The following DFFB variants were observed in gnomAD, a reference collection of about 807,000 sequenced individuals.
The protein encoded by DFFB is DNA fragmentation factor subunit beta.
In DFFB, 29 loss-of-function variants were observed where a neutral mutation model predicts 32.7. The observed-to-expected ratio is 0.89, with a 90% CI of 0.66 to 1.21. DFFB has a LOEUF of 1.21. Ranked by LOEUF, DFFB falls within the 50% of genes most tolerant of loss-of-function variation. The pLI is 0.00. For missense variants in DFFB, 398 were observed against 440.6 expected, an observed-to-expected ratio of 0.90 and a Z score of 0.87; for synonymous variants, 170 against 177.1, an observed-to-expected ratio of 0.96 and a Z score of 0.32.
chr1:3,862,826 A>G (rs977965630), intron 2 of DFFB, among the ~76,000 whole-genome samples: 1 of 152,216 alleles, frequency 6.6e-6, no homozygotes, highest in East Asian at 1.9e-4. Flanking sequence ...GCAGCAGAAG[A>G]AAAAACAGAT....
At chr1:3,869,100 C>T (rs995141439) in intron 4 of DFFB, among the ~76,000 whole-genome samples, 1 of 152,074 alleles carries the variant, frequency 6.6e-6, no homozygotes, top group Admixed American at 6.5e-5. Flanking sequence ...CACTCTGTTG[C>T]TCAGGCTGGA....
intron 6 of DFFB, among the ~76,000 whole-genome samples, chr1:3,878,912 G>T (rs902477773): frequency 6.6e-6 from 1 of 152,084 alleles, no homozygotes; most frequent in African/African-American, 2.4e-5. Context: ...TTTCTTCCAC[G>T]AGTGGCTGTG....
chr1:3,860,588 C>A, intron 2 of DFFB: 1 of 286,156 alleles, frequency 3.5e-6, no homozygotes, highest in Non-Finnish European at 7.6e-6. Context: ...TAGGAAGGTC[C>A]AATGTACCTC....
At position 3,883,636 on chromosome 1, in the gene DFFB, T is replaced by C; in HGVS notation, c.912T>C (p.Ile304=). The change falls in exon 7 of 7, where the codon ATT becomes ATC. Residue 304 remains isoleucine, a synonymous_variant. Coordinates refer to ENST00000378209, the MANE Select transcript of DFFB (RefSeq NM_004402.4). ...CAGAGAACCTAAAACTAGTGCACAT[T>C]GTCTGCCATAAGAAAACCACCCACA... ...FTSENLKLVH[I]VCHKKTTHKL... is the part of the protein sequence containing the mutation. 6 of 1,614,088 alleles carry C rather than the reference T, an allele frequency of 3.7e-6. No homozygotes were observed. The highest frequency in any genetic ancestry group is 5.1e-6 in the Non-Finnish European group (6 of 1,180,014).
chr1:3,858,784 C>T lies in DFFB; in HGVS notation c.181C>T (p.Pro61Ser), dbSNP rs139312649. Residue 61 changes from proline to serine, a missense_variant, in exon 2 of 7, where the codon CCC becomes TCC. Physicochemically the swap from Pro to Ser is moderately conservative, Grantham distance 74. Transcript: ENST00000378209. The part of the protein sequence containing the change: ...DGTELTEDYF[P>S]SVPDNAELVL... ...CACGGAGCTGACGGAAGATTACTTC[C>T]CCAGTGTTCCCGACAACGCCGAGCT... The T allele has an allele frequency of 3.3e-5, 54 of 1,614,190 alleles. No individual in the cohort carries two copies. In the African/African-American group the frequency reaches 5.3e-4, roughly 16 times the overall value.
At chr1:3,857,768 A>AC in intron 1 of DFFB, 51 bp downstream of exon 1, 13 of 1,262,996 alleles carry the variant, frequency 1.0e-5, no homozygotes, top group Non-Finnish European at 1.4e-5. Flanking sequence ...GTGTGGGGAG[A>AC]ATAGGAGGTG....
At chr1:3,868,105 C>T (rs1300269085) in intron 4 of DFFB, 52 bp downstream of exon 4, 1 of 1,518,510 alleles carries the variant, frequency 6.6e-7, no homozygotes, top group African/African-American at 1.4e-5. Flanking sequence ...AAGCCAGGCT[C>T]TGTGGGCTCT....
At chr1:3,864,187 G>A (rs1444883954) in intron 2 of DFFB, among the ~76,000 whole-genome samples, 2 of 152,020 alleles carry the variant, frequency 1.3e-5, no homozygotes, top group East Asian at 1.9e-4. Context: ...GGATGGTCGC[G>A]ATCTCCTGAC....
intron 2 of DFFB, among the ~76,000 whole-genome samples, chr1:3,860,229 A>G (rs183337751): frequency 4.2e-4 from 64 of 151,772 alleles, no homozygotes; most frequent in African/African-American, 1.5e-3. Flanking sequence ...TGCCTGGCCA[A>G]AATATTTTTG....
intron 5 of DFFB, 70 bp downstream of exon 5, chr1:3,869,845 C>T (rs1179589655): frequency 1.0e-5 from 15 of 1,470,918 alleles, no homozygotes; most frequent in East Asian, 2.4e-5. Context: ...TGGGGCGAGG[C>T]GGGTGGGGAC....
At chr1:3,869,223 C>A (rs1019638570) in intron 4 of DFFB, among the ~76,000 whole-genome samples, 4 of 152,342 alleles carry the variant, frequency 2.6e-5, no homozygotes, top group African/African-American at 9.6e-5. Flanking sequence ...CCATGCCCAG[C>A]TAATTTTTTG....
At chr1:3,871,192 C>T (rs888363628) in intron 5 of DFFB, among the ~76,000 whole-genome samples, 1 of 152,194 alleles carries the variant, frequency 6.6e-6, no homozygotes, top group Non-Finnish European at 1.5e-5. Flanking sequence ...ACACGGGTAA[C>T]AGTGACAATA....
At position 3,867,955 on chromosome 1, in the gene DFFB, CTT is replaced by C; in HGVS notation, c.431-18_431-17del. 2.5e-6 allele frequency: 4 copies of C among 1,613,764 alleles called. No individual in the cohort carries two copies. The highest frequency in any genetic ancestry group is 3.4e-6 in the Non-Finnish European group (4 of 1,179,718). ...TGGCCTGCCCTGTGGACTTGGGGGT[CTT>C]CTCGTTTTCCTTGCAGGCTTGGAGT... is the stretch of plus-strand genomic sequence containing the variant. On this transcript the variant is annotated splice_polypyrimidine_tract_variant and intron_variant, in intron 3 of 6. Transcript: ENST00000378209.
At chr1:3,868,203 C>T in intron 4 of DFFB, 150 bp downstream of exon 4, 1 of 753,622 alleles carries the variant, frequency 1.3e-6, no homozygotes, top group Non-Finnish European at 2.3e-6. Context: ...GTGAGGGAAG[C>T]TAGCGCACGG....
At position 3,884,137 on chromosome 1, in the gene DFFB, G is replaced by C; in HGVS notation, c.*396G>C. 8.4e-6 allele frequency: 2 copies of C among 238,278 alleles called. No homozygotes were observed. 14.8% of individuals were successfully genotyped at this position (238,278 alleles called of 1,614,324 possible). ...GACCTCAGGTGATCCGCCCACCTCA[G>C]CCTCCCAAAGTGCTGGGATGACAGG... On this transcript the variant is annotated 3_prime_UTR_variant, in exon 7 of 7. Transcript: ENST00000378209.
At chr1:3,881,827 G>A (rs1645344328) in intron 6 of DFFB, among the ~76,000 whole-genome samples, 1 of 151,460 alleles carries the variant, frequency 6.6e-6, no homozygotes, top group Non-Finnish European at 1.5e-5. Context: ...CTGAGATCGT[G>A]CCACTGCACT....
chr1:3,882,521 T>C lies in DFFB; in HGVS notation c.783-986T>C, dbSNP rs12564320. 9.7e-3 allele frequency among the ~76,000 whole-genome samples: 1,475 copies of C among 152,126 alleles called. 41 individuals carry two copies. In the East Asian group the frequency reaches 0.099, roughly 10 times the overall value. ...CTGGGATTACAGGCATGCATCACCA[T>C]GCCCAGCTAATTTTTGTATTTTTAG... On this transcript the variant is annotated intron_variant, in intron 6 of 6. Coordinates refer to ENST00000378209, the MANE Select transcript of DFFB (RefSeq NM_004402.4).
At chr1:3,869,011 C>T (rs747607012) in intron 4 of DFFB, among the ~76,000 whole-genome samples, 2 of 152,264 alleles carry the variant, frequency 1.3e-5, no homozygotes, top group Non-Finnish European at 2.9e-5. Flanking sequence ...CTTCCACGCA[C>T]CACTGCCTGC....
In DFFB at chr1:3,868,608, T is replaced by TACCACACCAC. The variant is rs1557715984; in HGVS notation, c.510+559_510+560insCACCACACCA. 4.2e-3 allele frequency among the ~76,000 whole-genome samples: 13 copies of TACCACACCAC among 3,112 alleles called. 1 individual carries two copies. Among genetic ancestry groups the TACCACACCAC allele is most frequent in the African/African-American group, 6.1e-3 (9 of 1,470 alleles). The allele number at this position is 3,112 out of a possible 152,430, so 2.0% of individuals were successfully genotyped here. A position where few individuals can be genotyped will look rare whatever the true frequency, so the allele number is the denominator to read the frequency against. On this transcript the variant is annotated intron_variant, in intron 4 of 6. Coordinates refer to ENST00000378209, the MANE Select transcript of DFFB (RefSeq NM_004402.4). ...TGCCACGCTACACCATACCACACCA[T>TACCACACCAC]ACCAGACCACACCACACCAGGCCAC... is the stretch of plus-strand genomic sequence containing the variant.
Sources: gnomAD v4.1 joint callset for allele counts (sites outside exome capture counted in the v4.1 genomes callset) on GRCh38, gnomAD v4.1.1 for gene constraint, MANE v1.5 for transcripts, NCBI Gene and HGNC (gene_info 2026-07-23, HGNC 2026-07-21) for gene names.